Variants in RHOT1 observed in about 807,000 individuals in gnomAD.
RHOT1 encodes ras homolog family member T1.
A neutral mutation model predicts 95.3 loss-of-function variants in RHOT1; 27 were observed. The observed-to-expected ratio is 0.28, with a 90% CI of 0.21 to 0.39. The LOEUF (loss-of-function observed/expected upper bound fraction) is 0.39. Among genes scored for constraint, RHOT1 ranks in the 10% least tolerant of loss-of-function variants. The pLI is 1.00. For missense variants in RHOT1, 578 were observed against 786.7 expected, an observed-to-expected ratio of 0.73 and a Z score of 3.17; for synonymous variants, 227 against 263.5, an observed-to-expected ratio of 0.86 and a Z score of 1.34.
chr17:32,180,825 A>G (rs2142642676), intron 6 of RHOT1, among the ~76,000 whole-genome samples: 1 of 152,232 alleles, frequency 6.6e-6, no homozygotes, highest in South Asian at 2.1e-4. Context: ...TGGGACTGCA[A>G]GTGCGTGCCA....
chr17:32,173,705 T>G (rs1473760946), intron 2 of RHOT1, 126 bp from the exon 3 acceptor site: 2 of 674,642 alleles, frequency 3.0e-6, no homozygotes, highest in Non-Finnish European at 5.0e-6. Context: ...AGAGTGAGAC[T>G]CCATTAAAAA....
At chr17:32,201,257 T>A (rs1255891638) in intron 14 of RHOT1, among the ~76,000 whole-genome samples, 1 of 152,222 alleles carries the variant, frequency 6.6e-6, no homozygotes, top group East Asian at 1.9e-4. Flanking sequence ...GTAGAGACTT[T>A]GCTTCAAGTC....
chr17:32,178,472 G>A lies in RHOT1; in HGVS notation c.329+2259G>A, dbSNP rs1022296877. 4.6e-5 allele frequency among the ~76,000 whole-genome samples: 7 copies of A among 152,186 alleles called. 1 individual carries two copies. Among genetic ancestry groups the A allele is most frequent in the Middle Eastern group, 6.8e-3 (2 of 294 alleles). On this transcript the variant is annotated intron_variant, in intron 6 of 19. Transcript: ENST00000545287. ...CTCCCGAGGTGCTGGGATTGCAGACGGAGTCTCGCTCACTCAATGCTCAGT... is the reference window on the plus strand; with the variant it reads ...CTCCCGAGGTGCTGGGATTGCAGACAGAGTCTCGCTCACTCAATGCTCAGT...
At chr17:32,162,496 T>C (rs1402924058) in intron 1 of RHOT1, among the ~76,000 whole-genome samples, 1 of 152,238 alleles carries the variant, frequency 6.6e-6, no homozygotes, top group Admixed American at 6.5e-5. Flanking sequence ...CGACCTGTTA[T>C]TCCCAGTTCT....
chr17:32,207,043 A>G lies in RHOT1; in HGVS notation c.1536+14A>G, dbSNP rs974773194. ...AGGATTTTTAAGGTTTGTTGCTCCT[A>G]CAGACTATGACTGAATGTAACTTCA... On this transcript the variant is annotated intron_variant, in intron 17 of 19. Coordinates refer to ENST00000545287, the MANE Select transcript of RHOT1 (RefSeq NM_001033566.3). The G allele has an allele frequency of 7.5e-6, 12 of 1,593,066 alleles. No homozygotes were observed. In the Admixed American group the frequency reaches 1.1e-4, roughly 15 times the overall value.
chr17:32,193,792 G>C (rs2036672524), intron 10 of RHOT1, among the ~76,000 whole-genome samples, 195 bp from the exon 11 acceptor site: 1 of 152,174 alleles, frequency 6.6e-6, no homozygotes, highest in Non-Finnish European at 1.5e-5. Context: ...CTCTCTTGCT[G>C]AGCTGGGTGT....
intron 1 of RHOT1, among the ~76,000 whole-genome samples, chr17:32,158,346 G>T (rs1290864858): frequency 6.6e-6 from 1 of 152,176 alleles, no homozygotes; most frequent in Non-Finnish European, 1.5e-5. Flanking sequence ...GTTTGTTATA[G>T]GCAGGGTAGA....
At position 32,210,778 on chromosome 17, in the gene RHOT1, TTTTA is replaced by T. The variant is rs1306906847; in HGVS notation, c.1740-335_1740-332del. Among the ~76,000 whole-genome samples the T allele has an allele frequency of 3.3e-5, 5 of 152,280 alleles. No individual in the cohort carries two copies. In the East Asian group the frequency reaches 9.6e-4, roughly 29 times the overall value. On this transcript the variant is annotated intron_variant, in intron 18 of 19. Coordinates refer to ENST00000545287, the MANE Select transcript of RHOT1 (RefSeq NM_001033566.3). The stretch of plus-strand genomic sequence containing the variant: ...TGCTTATGGCTTACTCAGGTTTTCT[TTTTA>T]TTAATTTAGACGAGGGTGCCATCTA...
intron 6 of RHOT1, among the ~76,000 whole-genome samples, chr17:32,181,438 T>G (rs1243440124): frequency 6.6e-6 from 1 of 152,256 alleles, no homozygotes; most frequent in African/African-American, 2.4e-5. Context: ...CAGCTGTTTC[T>G]GTCTTATAAA....
chr17:32,146,774 A>G (rs1177193257), intron 1 of RHOT1, among the ~76,000 whole-genome samples: 2 of 148,606 alleles, frequency 1.3e-5, no homozygotes, highest in Non-Finnish European at 3.0e-5. Context: ...TATTTTTTTG[A>G]GACAGGGTCT....
chr17:32,151,572 C>T (rs1172202216), intron 1 of RHOT1: 1 of 358,772 alleles, frequency 2.8e-6, no homozygotes, highest in Non-Finnish European at 5.4e-6. Flanking sequence ...GTCTCTCTCT[C>T]AATGAACTTT....
At chr17:32,201,094 TA>T (rs1410629416) in intron 14 of RHOT1, 38 bp downstream of exon 14, 2 of 1,282,418 alleles carry the variant, frequency 1.6e-6, no homozygotes, top group African/African-American at 1.5e-5. Context: ...TGATTAGAGA[TA>T]TTTTTTAAGA....
intron 19 of RHOT1, among the ~76,000 whole-genome samples, chr17:32,214,565 C>T (rs2038334402): frequency 6.6e-6 from 1 of 152,192 alleles, no homozygotes; most frequent in Non-Finnish European, 1.5e-5. Context: ...ATCACCACCA[C>T]CACCACTTTA....
At chr17:32,197,078 G>T (rs967879389) in intron 11 of RHOT1, among the ~76,000 whole-genome samples, 1 of 150,968 alleles carries the variant, frequency 6.6e-6, no homozygotes, top group Non-Finnish European at 1.5e-5. Context: ...AGCCGAGATC[G>T]CACCATTGCA....
chr17:32,218,334 T>A (rs1057092049), intron 19 of RHOT1, among the ~76,000 whole-genome samples: 3 of 151,020 alleles, frequency 2.0e-5, no homozygotes, highest in Non-Finnish European at 4.4e-5. Flanking sequence ...ACAAAAAATT[T>A]AAAAAAATAA....
chr17:32,143,690 A>C (rs1382018974), intron 1 of RHOT1, among the ~76,000 whole-genome samples: 1 of 152,240 alleles, frequency 6.6e-6, no homozygotes, highest in Non-Finnish European at 1.5e-5. Flanking sequence ...TCACTCTGCA[A>C]GTTATGTAAC....
rs1459096721 is a variant in RHOT1, at chr17:32,199,392, T to G, written c.955-13T>G. 6.3e-7 allele frequency: 1 copy of G among 1,599,690 alleles called. No homozygotes were observed. The highest frequency in any genetic ancestry group is 8.5e-7 in the Non-Finnish European group (1 of 1,175,106). ...TAGATATCTAAACATTCTGTATCCTTGTGTTTCTTCAGGATAGAGACTGTG... is the reference window on the plus strand; with the variant it reads ...TAGATATCTAAACATTCTGTATCCTGGTGTTTCTTCAGGATAGAGACTGTG... On this transcript the variant is annotated splice_polypyrimidine_tract_variant and intron_variant, in intron 12 of 19. Transcript: ENST00000545287.
At chr17:32,197,649 CA>C (rs919656353) in intron 11 of RHOT1, among the ~76,000 whole-genome samples, 1 of 152,074 alleles carries the variant, frequency 6.6e-6, no homozygotes, top group Non-Finnish European at 1.5e-5. Flanking sequence ...AGGATGGTCT[CA>C]ATCTCTTGAC....
rs769092204 is a variant in RHOT1 at position 32,193,179 on chromosome 17, A to T, written c.683A>T (p.Asp228Val). 1 of 1,613,696 alleles carries T rather than the reference A, an allele frequency of 6.2e-7. No individual in the cohort carries two copies. Among genetic ancestry groups the T allele is most frequent in the South Asian group, 1.1e-5 (1 of 91,002 alleles). Residue 228 changes from aspartate (D) to valine (V), a missense_variant, in exon 10 of 20, where the codon GAT (aspartate) becomes GTT (valine). Physicochemically the swap from Asp to Val is radical, Grantham distance 152. Transcript: ENST00000545287. ...NTPLAPQALE[D>V]VKNVVRKHIS... ...CCATTAGCTCCTCAAGCTCTGGAGGATGTCAAGAATGTAGTCAGAAAACAT... is the reference window on the plus strand; with the variant it reads ...CCATTAGCTCCTCAAGCTCTGGAGGTTGTCAAGAATGTAGTCAGAAAACAT...
Sources: gnomAD v4.1 joint callset for allele counts (sites outside exome capture counted in the v4.1 genomes callset) on GRCh38, gnomAD v4.1.1 for gene constraint, MANE v1.5 for transcripts, NCBI Gene and HGNC (gene_info 2026-07-23, HGNC 2026-07-21) for gene names.